Variants in STPG2 observed in about 807,000 individuals in gnomAD.
STPG2 encodes sperm-tail PG-rich repeat-containing protein 2.
A neutral mutation model predicts 54.2 loss-of-function variants in STPG2; 56 were observed. The ratio of observed to expected loss-of-function variants is 1.03; its 90% CI spans 0.83 to 1.29. STPG2 has a LOEUF of 1.29. Among genes scored for constraint, STPG2 ranks in the 50% most tolerant of loss-of-function variants. The pLI, the probability that STPG2 is intolerant of heterozygous loss-of-function variation, is 0.00. For missense variants in STPG2, 596 were observed against 544.9 expected, an observed-to-expected ratio of 1.09 and a Z score of -0.93; for synonymous variants, 200 against 181.8, an observed-to-expected ratio of 1.10 and a Z score of -0.81.
Position 98,026,081 on chromosome 4 carries a change from A to G in STPG2, c.613-44763T>C, listed in dbSNP as rs1736410013. 1.4e-5 allele frequency: 17 copies of G among 1,227,838 alleles called. 2 individuals are homozygous for G. In the South Asian group the frequency reaches 2.1e-4, roughly 15 times the overall value. 76.1% of individuals were successfully genotyped at this position (1,227,838 alleles called of 1,614,324 possible). On this transcript the variant is annotated intron_variant, in intron 5 of 10. Transcript: ENST00000295268. Reference sequence around the variant, plus strand: ...CATAAAGAACAGAGTAACTCCAGACATGATGGAGATGTATAGGAAAGCTCA... The same window carrying G: ...CATAAAGAACAGAGTAACTCCAGACGTGATGGAGATGTATAGGAAAGCTCA...
chr4:97,779,236 A>C (rs1221701828), intron 9 of STPG2, among the ~76,000 whole-genome samples: 2 of 152,198 alleles, frequency 1.3e-5, no homozygotes, highest in East Asian at 3.9e-4. Flanking sequence ...GAAGTCCTTA[A>C]ATGACCTGAT....
intron 3 of STPG2, among the ~76,000 whole-genome samples, chr4:98,120,867 CTGA>C (rs951702974): frequency 1.2e-3 from 183 of 152,256 alleles, no homozygotes; most frequent in African/African-American, 4.2e-3. Flanking sequence ...TCTGTTTGTG[CTGA>C]TGATAAGTTT....
At chr4:97,580,985 A>T (rs1438186707) in intron 10 of STPG2, among the ~76,000 whole-genome samples, 1 of 152,064 alleles carries the variant, frequency 6.6e-6, no homozygotes, top group Non-Finnish European at 1.5e-5. Flanking sequence ...ATAAATTTTG[A>T]TTAAAAGTTA....
At chr4:97,635,004 T>A (rs1338785385) in intron 10 of STPG2, among the ~76,000 whole-genome samples, 1 of 151,930 alleles carries the variant, frequency 6.6e-6, no homozygotes, top group African/African-American at 2.4e-5. Context: ...ACAAAGATAC[T>A]CCTCCAGAAG....
intron 5 of STPG2, among the ~76,000 whole-genome samples, chr4:97,983,935 G>A (rs931439156): frequency 6.6e-6 from 1 of 152,024 alleles, no homozygotes; most frequent in African/African-American, 2.4e-5. Flanking sequence ...AAAATCATGA[G>A]TTCACATAAA....
intron 9 of STPG2, among the ~76,000 whole-genome samples, chr4:97,738,064 C>G (rs920968313): frequency 6.6e-6 from 1 of 152,146 alleles, no homozygotes; most frequent in Non-Finnish European, 1.5e-5. Context: ...ATTCAACATT[C>G]TTAAAGAAAA....
In STPG2 at chr4:97,955,006, A is replaced by G. The variant is rs188764119; in HGVS notation, c.934-10999T>C. On this transcript the variant is annotated intron_variant, in intron 7 of 10. Transcript: ENST00000295268. ...TAGAAAAGAAATAGTTGAAATCGTA[A>G]ATAATTTGTCCTGAGAAATGAATTA... Among the ~76,000 whole-genome samples the G allele has an allele frequency of 1.5e-4, 23 of 152,330 alleles. 1 individual carries two copies. In the East Asian group the frequency reaches 4.2e-3, roughly 28 times the overall value.
chr4:98,075,817 G>A (rs1738146671), intron 5 of STPG2, among the ~76,000 whole-genome samples: 1 of 152,192 alleles, frequency 6.6e-6, no homozygotes, highest in Admixed American at 6.5e-5. Context: ...TGGAGATTAA[G>A]AAAAGTACTC....
intron 10 of STPG2, among the ~76,000 whole-genome samples, chr4:97,634,734 G>C (rs1188238325): frequency 6.6e-6 from 1 of 152,014 alleles, no homozygotes; most frequent in Non-Finnish European, 1.5e-5. Context: ...GGAAGAAAGG[G>C]TATCAGCAAT....
intron 4 of STPG2, among the ~76,000 whole-genome samples, chr4:97,540,189 GGTT>G (rs1731658357): frequency 6.6e-6 from 1 of 152,072 alleles, no homozygotes; most frequent in Non-Finnish European, 1.5e-5. Flanking sequence ...TCCAGGAGGT[GGTT>G]TTTTGAAAAG....
In STPG2 at chr4:97,878,303, C is replaced by A. The variant is rs565198152; in HGVS notation, c.1045-37371G>T. ...TTTTCACAGCTCCACAAGACAGTGTCCCAATAGGAACTGTGTGCGGGGACT... is the reference window on the plus strand; with the variant it reads ...TTTTCACAGCTCCACAAGACAGTGTACCAATAGGAACTGTGTGCGGGGACT... On this transcript the variant is annotated intron_variant, in intron 8 of 10. Coordinates refer to ENST00000295268, the MANE Select transcript of STPG2 (RefSeq NM_174952.3). Among the ~76,000 whole-genome samples the A allele has an allele frequency of 1.1e-4, 17 of 152,270 alleles. No homozygotes were observed. The South Asian group carries it at 2.3e-3, about 20-fold the overall frequency.
rs1015855839 is a variant in STPG2, at chr4:97,867,625, T to C, written c.1045-26693A>G. ...ACATAACAGAAGCCTTATTACAGTATTGACCAAACAGGAATTTATTTTTAT... is the reference window on the plus strand; with the variant it reads ...ACATAACAGAAGCCTTATTACAGTACTGACCAAACAGGAATTTATTTTTAT... On this transcript the variant is annotated intron_variant, in intron 8 of 10. Coordinates refer to ENST00000295268, the MANE Select transcript of STPG2 (RefSeq NM_174952.3). 7.9e-5 allele frequency among the ~76,000 whole-genome samples: 12 copies of C among 152,062 alleles called. 1 individual carries two copies. The highest frequency in any genetic ancestry group is 1.6e-4 in the Non-Finnish European group (11 of 67,972).
At chr4:97,818,744 C>T (rs1048989453) in intron 9 of STPG2, among the ~76,000 whole-genome samples, 5 of 151,754 alleles carry the variant, frequency 3.3e-5, no homozygotes, top group African/African-American at 4.8e-5. Context: ...TCAATCTCTC[C>T]TCAAATGAAG....
At chr4:97,967,417 G>T (rs1268792986) in intron 7 of STPG2, among the ~76,000 whole-genome samples, 8 of 152,182 alleles carry the variant, frequency 5.3e-5, no homozygotes, top group African/African-American at 1.9e-4. Flanking sequence ...TGGGAGACTT[G>T]AACACCCCAC....
At chr4:97,953,417 C>A (rs1451964239) in intron 7 of STPG2, among the ~76,000 whole-genome samples, 2 of 152,212 alleles carry the variant, frequency 1.3e-5, no homozygotes, top group African/African-American at 2.4e-5. Context: ...GAGACTGCAA[C>A]CACAGCTTTC....
chr4:97,594,138 T>A (rs575054842), intron 10 of STPG2, among the ~76,000 whole-genome samples: 1 of 152,314 alleles, frequency 6.6e-6, no homozygotes, highest in East Asian at 1.9e-4. Context: ...GCAATGGTTT[T>A]TAACAAGGCT....
At chr4:97,529,943 AT>A (rs1731377427) in intron 4 of STPG2, among the ~76,000 whole-genome samples, 1 of 151,968 alleles carries the variant, frequency 6.6e-6, no homozygotes, top group Non-Finnish European at 1.5e-5. Flanking sequence ...ATTTATACTA[AT>A]TTTTTATTTG....
intron 9 of STPG2, among the ~76,000 whole-genome samples, chr4:97,733,474 C>T (rs553759902): frequency 2.0e-5 from 3 of 151,996 alleles, no homozygotes; most frequent in South Asian, 4.2e-4. Flanking sequence ...TCAAAAACTA[C>T]ACATTAGGTA....
At chr4:97,517,499 T>C (rs1003507750) in intron 4 of STPG2, among the ~76,000 whole-genome samples, 1 of 152,168 alleles carries the variant, frequency 6.6e-6, no homozygotes, top group Non-Finnish European at 1.5e-5. Context: ...CATAAGAATC[T>C]CTGACTGCTA....
Sources: allele counts gnomAD v4.1 joint callset (sites outside exome capture counted in the v4.1 genomes callset), GRCh38; gene constraint gnomAD v4.1.1; transcripts MANE v1.5; gene names NCBI Gene and HGNC (gene_info 2026-07-23, HGNC 2026-07-21).